The following NRXN1 variants were observed in gnomAD, a reference collection of about 807,000 sequenced individuals.
The protein encoded by NRXN1 is neurexin 1, also known as neurexin-1.
In NRXN1, 39 loss-of-function variants were observed where a neutral mutation model predicts 150.9. The observed-to-expected ratio is 0.26, with a 90% confidence interval of 0.20 to 0.34. The LOEUF (loss-of-function observed/expected upper bound fraction) is 0.34. Among genes scored for constraint, NRXN1 ranks in the 10% least tolerant of loss-of-function variants. NRXN1 has a pLI of 1.00. For synonymous variants in NRXN1, 924 were observed against 757.0 expected (o/e 1.22, Z -3.62); for missense variants, 1,815 against 1,949.9 (o/e 0.93, Z 1.30).
chr2:50,823,170 A>C (rs962839116), intron 5 of NRXN1, among the ~76,000 whole-genome samples: 2 of 152,178 alleles, frequency 1.3e-5, no homozygotes, highest in Non-Finnish European at 2.9e-5. Flanking sequence ...AAGATAGGCC[A>C]AAACAGCTCC....
At chr2:50,449,527 C>T (rs1030156229) in intron 17 of NRXN1, among the ~76,000 whole-genome samples, 2 of 152,140 alleles carry the variant, frequency 1.3e-5, no homozygotes, top group Admixed American at 6.6e-5. Flanking sequence ...TATTCAGAGT[C>T]AGTAGGTGTG....
intron 2 of NRXN1, among the ~76,000 whole-genome samples, chr2:50,997,114 A>G (rs544852473): frequency 6.6e-6 from 1 of 152,190 alleles, no homozygotes; most frequent in African/African-American, 2.4e-5. Context: ...TGATCCAAGC[A>G]CTTTGGGAGG....
intron 17 of NRXN1, among the ~76,000 whole-genome samples, chr2:50,320,312 A>ATATATATATATATGTG (rs1558519080): frequency 2.5e-4 from 31 of 125,352 alleles, no homozygotes; most frequent in African/African-American, 9.2e-4. Context: ...ATATATATAT[A>ATATATATATATATGTG]TATATATATA....
chr2:50,242,778 G>T (rs1454385595), intron 17 of NRXN1, among the ~76,000 whole-genome samples: 2 of 151,744 alleles, frequency 1.3e-5, no homozygotes, highest in Admixed American at 1.3e-4. Context: ...GGGAGGGGCA[G>T]ACAACAGAAT....
chr2:50,579,166 CCA>C (rs1363313023), intron 8 of NRXN1, among the ~76,000 whole-genome samples: 1 of 152,172 alleles, frequency 6.6e-6, no homozygotes, highest in East Asian at 1.9e-4. Context: ...TTGTTTTGCA[CCA>C]GTTTTTAAAG....
At chr2:50,437,404 A>G (rs1164102982) in intron 17 of NRXN1, among the ~76,000 whole-genome samples, 1 of 152,196 alleles carries the variant, frequency 6.6e-6, no homozygotes, top group African/African-American at 2.4e-5. Context: ...TGTCATTTAT[A>G]TCTTCCAAAT....
intron 17 of NRXN1, among the ~76,000 whole-genome samples, chr2:50,273,299 C>T (rs1433684462): frequency 6.6e-6 from 1 of 152,130 alleles, no homozygotes; most frequent in Non-Finnish European, 1.5e-5. Context: ...TGAACTGAAA[C>T]CTGTTTATAT....
intron 21 of NRXN1, among the ~76,000 whole-genome samples, chr2:49,996,406 G>T (rs1683008560): frequency 6.6e-6 from 1 of 152,096 alleles, no homozygotes; most frequent in Non-Finnish European, 1.5e-5. Flanking sequence ...GGACAGGAAT[G>T]GAAAGGAAGA....
chr2:50,535,855 G>C (rs2093244723), intron 10 of NRXN1, among the ~76,000 whole-genome samples: 1 of 152,036 alleles, frequency 6.6e-6, no homozygotes, highest in Non-Finnish European at 1.5e-5. Context: ...AATCCAAGGA[G>C]CTGAACATGT....
intron 5 of NRXN1, among the ~76,000 whole-genome samples, chr2:50,690,003 C>A (rs1353655254): frequency 1.3e-5 from 2 of 151,942 alleles, no homozygotes; most frequent in Non-Finnish European, 2.9e-5. Context: ...TCTCTTACCT[C>A]AGCCCTGGGA....
intron 5 of NRXN1, among the ~76,000 whole-genome samples, chr2:50,793,238 A>C (rs1395013417): frequency 2.0e-5 from 3 of 152,152 alleles, no homozygotes; most frequent in Non-Finnish European, 4.4e-5. Flanking sequence ...AGCCCATCAT[A>C]GTTAATGGTA....
At chr2:50,308,839 C>T (rs1458487587) in intron 17 of NRXN1, among the ~76,000 whole-genome samples, 2 of 152,142 alleles carry the variant, frequency 1.3e-5, no homozygotes, top group African/African-American at 2.4e-5. Flanking sequence ...GATCTGAGCC[C>T]ACCACTCATC....
At chr2:50,005,081 T>C (rs1684543989) in intron 21 of NRXN1, among the ~76,000 whole-genome samples, 1 of 152,132 alleles carries the variant, frequency 6.6e-6, no homozygotes, top group South Asian at 2.1e-4. Flanking sequence ...ATGAAACCAC[T>C]GTCTTTCTTT....
chr2:50,115,824 C>T (rs1200562737), intron 18 of NRXN1, among the ~76,000 whole-genome samples: 1 of 151,998 alleles, frequency 6.6e-6, no homozygotes, highest in African/African-American at 2.4e-5. Context: ...AGGCAACAGT[C>T]TTTCTGTTAC....
At chr2:50,534,820 G>C (rs954286628) in intron 10 of NRXN1, among the ~76,000 whole-genome samples, 9 of 152,054 alleles carry the variant, frequency 5.9e-5, no homozygotes, top group African/African-American at 2.2e-4. Context: ...GGGAAAAGTA[G>C]CTTGATTTGA....
intron 18 of NRXN1, among the ~76,000 whole-genome samples, chr2:50,199,537 TACACACACACACAC>T (rs67959182): frequency 6.7e-6 from 1 of 149,326 alleles, no homozygotes; most frequent in South Asian, 2.1e-4. Context: ...CTCTTTCTTA[TACACACACACACAC>T]ACACACACAC....
chr2:50,322,321 T>TG (rs1211313060), intron 17 of NRXN1, among the ~76,000 whole-genome samples: 2 of 152,142 alleles, frequency 1.3e-5, no homozygotes, highest in African/African-American at 4.8e-5. Context: ...GGAAGAGTGC[T>TG]GTTGTGGGGT....
chr2:50,055,893 A>G (rs1693524233), intron 19 of NRXN1, among the ~76,000 whole-genome samples: 1 of 152,192 alleles, frequency 6.6e-6, no homozygotes, highest in Non-Finnish European at 1.5e-5. Flanking sequence ...CTATTCATAG[A>G]TCTAACCTAA....
chr2:50,129,875 C>CCAAAA (rs1705209929), intron 18 of NRXN1, among the ~76,000 whole-genome samples: 1 of 152,048 alleles, frequency 6.6e-6, no homozygotes, highest in African/African-American at 2.4e-5. Flanking sequence ...TGAATTGACT[C>CCAAAA]CAAAACAAAT....
Sources: allele counts gnomAD v4.1 joint callset (sites outside exome capture counted in the v4.1 genomes callset), GRCh38; gene constraint gnomAD v4.1.1; transcripts MANE v1.5; gene names NCBI Gene and HGNC (gene_info 2026-07-23, HGNC 2026-07-21).